AGPAT4: variants seen among roughly 807,000 people sequenced by gnomAD.
AGPAT4 encodes the protein 1-acylglycerol-3-phosphate O-acyltransferase 4.
AGPAT4 carries 15 observed loss-of-function variants against 48.0 expected under a neutral mutation model. The observed-to-expected ratio is 0.31, with a 90% CI of 0.21 to 0.48. The LOEUF is 0.48. Among genes scored for constraint, AGPAT4 ranks in the 20% least tolerant of loss-of-function variants. AGPAT4 has a pLI of 0.99. For synonymous variants in AGPAT4, 178 were observed against 198.7 expected (o/e 0.90, Z 0.88); for missense variants, 314 against 482.5 (o/e 0.65, Z 3.27).
At chr6:161,152,274 G>A (rs1779611769) in intron 5 of AGPAT4, among the ~76,000 whole-genome samples, 1 of 151,630 alleles carries the variant, frequency 6.6e-6, no homozygotes, top group Admixed American at 6.6e-5. Context: ...CAGGGCTAAG[G>A]GCAGGGCAGG....
rs1012256034 is a variant in AGPAT4 at position 161,146,996 on chromosome 6, A to G, written c.768-397T>C. Among the ~76,000 whole-genome samples the G allele has an allele frequency of 2.0e-5, 3 of 152,220 alleles. No homozygotes were observed. The highest frequency in any genetic ancestry group is 7.2e-5 in the African/African-American group (3 of 41,446). Reference sequence around the variant, plus strand: ...TATACACAGAATCGATGCATCAGAGACAATAACCTAGTAATTTCTTCTTAG... The same window carrying G: ...TATACACAGAATCGATGCATCAGAGGCAATAACCTAGTAATTTCTTCTTAG... On this transcript the variant is annotated intron_variant, in intron 6 of 8. Coordinates refer to ENST00000320285, the MANE Select transcript of AGPAT4 (RefSeq NM_020133.3). The surrounding 1 kb of genome is among the most constrained non-coding windows in gnomAD (Gnocchi z 7.1).
Position 161,166,473 on chromosome 6 carries a change from CCTGCTGAGAGCAGGGCT to C in AGPAT4, c.179-73_179-57del. ...CTACATGCAGCCTTGTCCTGGGAGC[CCTGCTGAGAGCAGGGCT>C]CTGCCCTCCCAGCTAGGGGAGAAAG... On this transcript the variant is annotated intron_variant, in intron 2 of 8. Coordinates refer to ENST00000320285, the MANE Select transcript of AGPAT4 (RefSeq NM_020133.3). The surrounding 1 kb of genome is among the most constrained non-coding windows in gnomAD (Gnocchi z 6.7). 2 of 1,530,978 alleles carry C rather than the reference CCTGCTGAGAGCAGGGCT, an allele frequency of 1.3e-6. No individual in the cohort carries two copies. Among genetic ancestry groups the C allele is most frequent in the South Asian group, 2.6e-5 (2 of 76,792 alleles). The allele number at this position is 1,530,978 out of a possible 1,614,324, so 94.8% of individuals were successfully genotyped here.
At position 161,208,604 on chromosome 6, in the gene AGPAT4, G is replaced by T. The variant is rs4709502; in HGVS notation, c.178+23432C>A. Among the ~76,000 whole-genome samples the T allele has an allele frequency of 5.0e-4, 76 of 152,004 alleles. No homozygotes were observed. The East Asian group carries it at 9.7e-3, about 19-fold the overall frequency. On this transcript the variant is annotated intron_variant, in intron 2 of 8. Coordinates refer to ENST00000320285, the MANE Select transcript of AGPAT4 (RefSeq NM_020133.3). This position sits in a 1 kb window ranked among gnomAD's most constrained non-coding sequence, Gnocchi z 4.6. ...ACGATAGCAAAAAAATACTTGCAAT[G>T]AACAACTTGGTTAAAAAAAGGTAAC...
At chr6:161,273,576 C>T (rs1053091034) in intron 1 of AGPAT4, among the ~76,000 whole-genome samples, 3 of 152,262 alleles carry the variant, frequency 2.0e-5, no homozygotes, top group Non-Finnish European at 4.4e-5. Context: ...CCCACCACCA[C>T]CCCCCGCCCA....
At position 161,155,497 on chromosome 6, in the gene AGPAT4, C is replaced by T. The variant is rs912955169; in HGVS notation, c.349-1187G>A. 2.0e-5 allele frequency among the ~76,000 whole-genome samples: 3 copies of T among 152,120 alleles called. No homozygotes were observed. Among genetic ancestry groups the T allele is most frequent in the African/African-American group, 4.8e-5 (2 of 41,442 alleles). ...CCAGCTCAGCACAGGGTCAGTAAGCCGTGTCCCCCAACCTACTGGCAGAAC... is the reference window on the plus strand; with the variant it reads ...CCAGCTCAGCACAGGGTCAGTAAGCTGTGTCCCCCAACCTACTGGCAGAAC... On this transcript the variant is annotated intron_variant, in intron 3 of 8. Coordinates refer to ENST00000320285, the MANE Select transcript of AGPAT4 (RefSeq NM_020133.3). This position sits in a 1 kb window ranked among gnomAD's most constrained non-coding sequence, Gnocchi z 5.8.
In AGPAT4 at chr6:161,221,714, C is replaced by T. The variant is rs1258326593; in HGVS notation, c.178+10322G>A. ...GGGGTGTTAGCAGGGTTGGTTCCTT[C>T]TGAGCATGTGAGGGAGGATCTGTGT... On this transcript the variant is annotated intron_variant, in intron 2 of 8. Transcript: ENST00000320285. The surrounding 1 kb of genome is among the most constrained non-coding windows in gnomAD (Gnocchi z 4.5). 1.3e-5 allele frequency among the ~76,000 whole-genome samples: 2 copies of T among 152,174 alleles called. No individual in the cohort carries two copies. Among genetic ancestry groups the T allele is most frequent in the Non-Finnish European group, 2.9e-5 (2 of 68,030 alleles).
rs1034441902 is a variant in AGPAT4, at chr6:161,225,015, T to C, written c.178+7021A>G. 6.6e-6 allele frequency among the ~76,000 whole-genome samples: 1 copy of C among 152,152 alleles called. No homozygotes were observed. The highest frequency in any genetic ancestry group is 1.9e-4 in the East Asian group (1 of 5,186). On this transcript the variant is annotated intron_variant, in intron 2 of 8. Coordinates refer to ENST00000320285, the MANE Select transcript of AGPAT4 (RefSeq NM_020133.3). This position sits in a 1 kb window ranked among gnomAD's most constrained non-coding sequence, Gnocchi z 5.0. ...ACCCTGACTCATTCCAATTACGTGCTTCACCCTGACTCCTTCCAACTACCT... is the reference window on the plus strand; with the variant it reads ...ACCCTGACTCATTCCAATTACGTGCCTCACCCTGACTCCTTCCAACTACCT...
At chr6:161,191,570 AC>A (rs908030131) in intron 2 of AGPAT4, among the ~76,000 whole-genome samples, 9 of 152,220 alleles carry the variant, frequency 5.9e-5, no homozygotes, top group Non-Finnish European at 1.2e-4. Context: ...AGTGGGTGAA[AC>A]TAGAGCCAGA....
At chr6:161,175,070 T>C (rs1352638748) in intron 2 of AGPAT4, among the ~76,000 whole-genome samples, 2 of 152,236 alleles carry the variant, frequency 1.3e-5, no homozygotes, top group Non-Finnish European at 2.9e-5. Context: ...TGGAGAATTT[T>C]TGCATCGATG....
chr6:161,163,426 CA>C (rs1779995189), intron 3 of AGPAT4, among the ~76,000 whole-genome samples: 1 of 151,684 alleles, frequency 6.6e-6, no homozygotes, highest in Non-Finnish European at 1.5e-5. Context: ...TCATTAAAGA[CA>C]AAAGATGTTG....
At chr6:161,239,038 G>T (rs1782400997) in intron 1 of AGPAT4, among the ~76,000 whole-genome samples, 1 of 152,154 alleles carries the variant, frequency 6.6e-6, no homozygotes, top group African/African-American at 2.4e-5. Flanking sequence ...ATAAGAATAT[G>T]TTAAAGTGCA....
intron 2 of AGPAT4, among the ~76,000 whole-genome samples, chr6:161,203,853 G>A (rs1347389234): frequency 1.3e-5 from 2 of 152,182 alleles, no homozygotes; most frequent in Non-Finnish European, 2.9e-5. Flanking sequence ...ACCCCTTGTA[G>A]AGTTTTTGTT....
chr6:161,135,350 A>AAAT lies in AGPAT4; in HGVS notation c.*1187_*1189dup, dbSNP rs769049526. The AAAT allele has an allele frequency of 5.9e-5, 9 of 152,238 alleles. No homozygotes were observed. Among genetic ancestry groups the AAAT allele is most frequent in the Non-Finnish European group, 1.2e-4 (8 of 68,042 alleles). 9.4% of individuals were successfully genotyped at this position (152,238 alleles called of 1,614,324 possible). On this transcript the variant is annotated 3_prime_UTR_variant, in exon 9 of 9. Coordinates refer to ENST00000320285, the MANE Select transcript of AGPAT4 (RefSeq NM_020133.3). The stretch of plus-strand genomic sequence containing the variant: ...TTAATAGCTAGCATTTGTTCTGCAA[A>AAAT]AATAGCACTGCTTTTAGTTTCTTCT...
intron 2 of AGPAT4, among the ~76,000 whole-genome samples, chr6:161,173,637 C>G (rs190362937): frequency 1.3e-5 from 2 of 152,334 alleles, no homozygotes; most frequent in East Asian, 3.9e-4. Flanking sequence ...TGTGCAGAAG[C>G]TCTTCAGTTT....
In AGPAT4 at chr6:161,244,841, T is replaced by TA. The variant is rs1165808266; in HGVS notation, c.-89-12540dup. ...TCTTTGGCCCCCTGAGCAAAGCTCC[T>TA]AATCAGTGAAGGTCACCAACCACAG... On this transcript the variant is annotated intron_variant, in intron 1 of 8. Transcript: ENST00000320285. This position sits in a 1 kb window ranked among gnomAD's most constrained non-coding sequence, Gnocchi z 4.7. 6.6e-6 allele frequency among the ~76,000 whole-genome samples: 1 copy of TA among 152,152 alleles called. No individual in the cohort carries two copies. The highest frequency in any genetic ancestry group is 2.4e-5 in the African/African-American group (1 of 41,440).
intron 1 of AGPAT4, among the ~76,000 whole-genome samples, chr6:161,253,266 T>C (rs897494053): frequency 6.6e-6 from 1 of 151,072 alleles, no homozygotes; most frequent in Non-Finnish European, 1.5e-5. Context: ...TTTAATTTTT[T>C]TTTTTTGAGA....
At position 161,154,439 on chromosome 6, in the gene AGPAT4, C is replaced by A. The variant is rs1404209293; in HGVS notation, c.349-129G>T. On this transcript the variant is annotated intron_variant, in intron 3 of 8. Coordinates refer to ENST00000320285, the MANE Select transcript of AGPAT4 (RefSeq NM_020133.3). This position sits in a 1 kb window ranked among gnomAD's most constrained non-coding sequence, Gnocchi z 7.8. ...CAGACGCCTCGGGACAGTCCCAGAACACATGCTGTCGAGGCCATGGACCCT... is the reference window on the plus strand; with the variant it reads ...CAGACGCCTCGGGACAGTCCCAGAAAACATGCTGTCGAGGCCATGGACCCT... 6.6e-6 allele frequency: 7 copies of A among 1,057,400 alleles called. No homozygotes were observed. Among genetic ancestry groups the A allele is most frequent in the Non-Finnish European group, 9.4e-6 (7 of 743,114 alleles). The allele number at this position is 1,057,400 out of a possible 1,614,324, so 65.5% of individuals were successfully genotyped here.
At chr6:161,170,171 T>A (rs765673250) in intron 2 of AGPAT4, among the ~76,000 whole-genome samples, 4 of 152,130 alleles carry the variant, frequency 2.6e-5, no homozygotes, top group Non-Finnish European at 5.9e-5. Flanking sequence ...CCAGTTTATA[T>A]CCATCGCCCC....
In AGPAT4 at chr6:161,236,240, C is replaced by A. The variant is rs146064161; in HGVS notation, c.-89-3938G>T. Among the ~76,000 whole-genome samples, 10 of 151,530 alleles carry A rather than the reference C, an allele frequency of 6.6e-5. No homozygotes were observed. Among genetic ancestry groups the A allele is most frequent in the African/African-American group, 2.2e-4 (9 of 41,194 alleles). On this transcript the variant is annotated intron_variant, in intron 1 of 8. Coordinates refer to ENST00000320285, the MANE Select transcript of AGPAT4 (RefSeq NM_020133.3). The surrounding 1 kb of genome is among the most constrained non-coding windows in gnomAD (Gnocchi z 5.0). ...ACAGAGTTTCTAAATCAACAGAGAA[C>A]TAGGAAGCTGCTGCTATGCCATATT...
Sources: gnomAD v4.1 joint callset for allele counts (sites outside exome capture counted in the v4.1 genomes callset) on GRCh38, gnomAD v4.1.1 for gene constraint, Gnocchi (gnomAD v3.1) non-coding constraint, MANE v1.5 for transcripts, NCBI Gene and HGNC (gene_info 2026-07-23, HGNC 2026-07-21) for gene names.